The following TMEM178B variants were observed in gnomAD, a reference collection of about 807,000 sequenced individuals.
TMEM178B encodes the protein transmembrane protein 178B.
In TMEM178B, 5 loss-of-function variants were observed where a neutral mutation model predicts 31.0. The ratio of observed to expected loss-of-function variants is 0.16; its 90% CI spans 0.08 to 0.34. TMEM178B has a LOEUF of 0.34. Ranked by LOEUF, TMEM178B falls within the 10% of genes least tolerant of loss-of-function variation. The probability of loss-of-function intolerance (pLI) is 1.00; values close to 1 mark genes in which losing one functional copy is unlikely to be tolerated. For synonymous variants in TMEM178B, 164 were observed against 164.0 expected (o/e 1.00, Z 0.00); for missense variants, 275 against 400.3 (o/e 0.69, Z 2.67).
chr7:141,462,492 G>T (rs1358621690), intron 3 of TMEM178B, among the ~76,000 whole-genome samples: 1 of 151,980 alleles, frequency 6.6e-6, no homozygotes, highest in Non-Finnish European at 1.5e-5. Flanking sequence ...GGAGAGCTGG[G>T]AACTGCAGGG....
At position 141,475,473 on chromosome 7, in the gene TMEM178B, A is replaced by AT. The variant is rs1230925651; in HGVS notation, c.*4692dup. 2 of 152,282 alleles carry AT rather than the reference A, an allele frequency of 1.3e-5. No homozygotes were observed. Among genetic ancestry groups the AT allele is most frequent in the African/African-American group, 4.8e-5 (2 of 41,548 alleles). The allele number at this position is 152,282 out of a possible 1,614,324, so 9.4% of individuals were successfully genotyped here. On this transcript the variant is annotated 3_prime_UTR_variant, in exon 4 of 4. Transcript: ENST00000565468. ...AATAAAATACAAAAAAGACTACAAGATTTTTCATAATCCAGTCACTCTGAG... is the reference window on the plus strand; with the variant it reads ...AATAAAATACAAAAAAGACTACAAGATTTTTTCATAATCCAGTCACTCTGAG...
intron 3 of TMEM178B, among the ~76,000 whole-genome samples, chr7:141,455,123 G>A (rs780264219): frequency 6.6e-6 from 1 of 152,170 alleles, no homozygotes; most frequent in Non-Finnish European, 1.5e-5. Context: ...CATTGAAAGA[G>A]ATTTAGTGCT....
intron 2 of TMEM178B, among the ~76,000 whole-genome samples, chr7:141,218,574 C>T (rs1197906217): frequency 6.6e-6 from 1 of 152,138 alleles, no homozygotes; most frequent in Non-Finnish European, 1.5e-5. Context: ...GGTGGGAAGC[C>T]CAGCGTGTCC....
At chr7:141,308,219 A>G (rs545886404) in intron 2 of TMEM178B, among the ~76,000 whole-genome samples, 2 of 152,314 alleles carry the variant, frequency 1.3e-5, no homozygotes, top group East Asian at 1.9e-4. Context: ...TCTGCCTACT[A>G]TGAAGTGGAA....
At chr7:141,450,779 T>C (rs1801849607) in intron 3 of TMEM178B, among the ~76,000 whole-genome samples, 1 of 152,134 alleles carries the variant, frequency 6.6e-6, no homozygotes, top group African/African-American at 2.4e-5. Flanking sequence ...TCTCCTTTCA[T>C]CTCAGCAGCC....
At position 141,229,013 on chromosome 7, in the gene TMEM178B, C is replaced by CTTTTTT. The variant is rs3035763; in HGVS notation, c.496+16326_496+16331dup. Among the ~76,000 whole-genome samples, 46 of 80,572 alleles carry CTTTTTT rather than the reference C, an allele frequency of 5.7e-4. 2 individuals carry two copies. The highest frequency in any genetic ancestry group is 2.3e-3 in the African/African-American group (45 of 19,306). The allele number at this position is 80,572 out of a possible 152,430, so 52.9% of individuals were successfully genotyped here. ...GTCCATGGATTAGAGTCAGTACTAT[C>CTTTTTT]TTTTTTTTTTTTTTTTTTTTTTGGT... On this transcript the variant is annotated intron_variant, in intron 2 of 3. Transcript: ENST00000565468.
At chr7:141,365,350 G>T (rs988264582) in intron 2 of TMEM178B, among the ~76,000 whole-genome samples, 1 of 152,184 alleles carries the variant, frequency 6.6e-6, no homozygotes, top group Non-Finnish European at 1.5e-5. Flanking sequence ...TCCAGGGGAC[G>T]CTTCTGACTT....
At chr7:141,363,621 G>A (rs763833705) in intron 2 of TMEM178B, among the ~76,000 whole-genome samples, 51 of 152,178 alleles carry the variant, frequency 3.4e-4, no homozygotes, top group Non-Finnish European at 6.5e-4. Flanking sequence ...GGTGTGTCAC[G>A]AAGAATTATC....
chr7:141,378,950 G>A (rs547348424), intron 2 of TMEM178B, among the ~76,000 whole-genome samples: 2 of 152,306 alleles, frequency 1.3e-5, no homozygotes, highest in East Asian at 3.9e-4. Flanking sequence ...TGCAAGTTAT[G>A]TGACATAACA....
chr7:141,132,561 C>T (rs983824635), intron 1 of TMEM178B, among the ~76,000 whole-genome samples: 1 of 152,142 alleles, frequency 6.6e-6, no homozygotes, highest in Non-Finnish European at 1.5e-5. Flanking sequence ...CCCACCTGCA[C>T]GTGCCACCTG....
chr7:141,148,947 G>A (rs1795905697), intron 1 of TMEM178B, among the ~76,000 whole-genome samples: 2 of 152,204 alleles, frequency 1.3e-5, no homozygotes, highest in African/African-American at 2.4e-5. Context: ...CACTTGGGTG[G>A]TCCTTAGCTT....
intron 2 of TMEM178B, among the ~76,000 whole-genome samples, chr7:141,387,848 C>T (rs879579146): frequency 1.3e-5 from 2 of 152,192 alleles, no homozygotes; most frequent in Admixed American, 6.5e-5. Context: ...TGTCACAGAA[C>T]CCAGAACTCC....
intron 2 of TMEM178B, among the ~76,000 whole-genome samples, chr7:141,339,343 T>A (rs1036302469): frequency 9.9e-5 from 15 of 152,090 alleles, no homozygotes; most frequent in African/African-American, 3.1e-4. Flanking sequence ...GAATGGGCAG[T>A]GTGCTGCAGC....
chr7:141,207,567 T>G (rs1419564405), intron 1 of TMEM178B, among the ~76,000 whole-genome samples: 11 of 152,258 alleles, frequency 7.2e-5, no homozygotes, highest in Non-Finnish European at 1.6e-4. Flanking sequence ...TTCCTGTTGG[T>G]CATTTGAATG....
At chr7:141,489,169 G>A in the TMEM178B span, among the ~76,000 whole-genome samples, 1 of 152,150 alleles carries the variant, frequency 6.6e-6, no homozygotes, top group African/African-American at 2.4e-5. Context: ...TCTTTGTGCT[G>A]AATACTTCAT....
intron 2 of TMEM178B, among the ~76,000 whole-genome samples, chr7:141,270,249 C>T (rs887027806): frequency 6.6e-6 from 1 of 152,128 alleles, no homozygotes; most frequent in African/African-American, 2.4e-5. Context: ...CAAGCCCAGA[C>T]ACTCAGGTGG....
intron 2 of TMEM178B, among the ~76,000 whole-genome samples, chr7:141,426,586 G>A (rs958352346): frequency 2.0e-5 from 3 of 152,114 alleles, no homozygotes; most frequent in Non-Finnish European, 4.4e-5. Flanking sequence ...GAAAGAGGAA[G>A]GGGAATGGCA....
At chr7:141,194,775 C>T (rs953622165) in intron 1 of TMEM178B, among the ~76,000 whole-genome samples, 1 of 152,212 alleles carries the variant, frequency 6.6e-6, no homozygotes, top group Non-Finnish European at 1.5e-5. Flanking sequence ...AGCAGAGGTT[C>T]TCCATGAGGG....
intron 1 of TMEM178B, among the ~76,000 whole-genome samples, chr7:141,130,506 C>T (rs1282878874): frequency 6.6e-6 from 1 of 152,170 alleles, no homozygotes; most frequent in Non-Finnish European, 1.5e-5. Context: ...TGCTGTGTAG[C>T]AGCAGTTTGT....
Sources: allele counts gnomAD v4.1 joint callset (sites outside exome capture counted in the v4.1 genomes callset), GRCh38; gene constraint gnomAD v4.1.1; transcripts MANE v1.5; gene names NCBI Gene and HGNC (gene_info 2026-07-23, HGNC 2026-07-21).